The following TTLL2 variants were observed in gnomAD, a reference collection of about 807,000 sequenced individuals.
The protein encoded by TTLL2 is probable tubulin polyglutamylase TTLL2.
A neutral mutation model predicts 7.5 loss-of-function variants in TTLL2; 10 were observed. The ratio of observed to expected loss-of-function variants is 1.33; its 90% CI spans 0.82 to 2.25. TTLL2 has a LOEUF of 2.25. Ranked by LOEUF, TTLL2 falls within the 30% of genes most tolerant of loss-of-function variation. The pLI, the probability that TTLL2 is intolerant of heterozygous loss-of-function variation, is 0.00. For missense variants in TTLL2, 733 were observed against 735.7 expected (o/e 1.00, Z 0.04); for synonymous variants, 284 against 280.3 (o/e 1.01, Z -0.13).
At position 167,340,714 on chromosome 6, in the gene TTLL2, G is replaced by A; in HGVS notation, c.814G>A (p.Val272Ile). 3.7e-6 allele frequency: 6 copies of A among 1,614,186 alleles called. No homozygotes were observed. Among genetic ancestry groups the A allele is most frequent in the Admixed American group, 1.7e-5 (1 of 60,022 alleles). The change falls in exon 3 of 3, where the codon GTT becomes ATT. Residue 272 changes from valine (V) to isoleucine (I), a missense_variant. Transcript: ENST00000239587. Reference sequence around the variant, plus strand: ...TGGCTTTAAGCCTTTGACCATTTATGTTTATCAGGAAGGGTTGGTTCGGTT... The same window carrying A: ...TGGCTTTAAGCCTTTGACCATTTATATTTATCAGGAAGGGTTGGTTCGGTT... ...VTGFKPLTIY[V>I]YQEGLVRFAT...
At chr6:167,336,022 A>G (rs1401916165) in intron 1 of TTLL2, among the ~76,000 whole-genome samples, 1 of 151,956 alleles carries the variant, frequency 6.6e-6, no homozygotes, top group African/African-American at 2.4e-5. Context: ...AATAGAGTAG[A>G]GACCACATTT....
At chr6:167,340,042 G>A in intron 2 of TTLL2, 63 bp from the exon 3 acceptor site, 5 of 1,516,448 alleles carry the variant, frequency 3.3e-6, no homozygotes, top group Non-Finnish European at 4.4e-6. Flanking sequence ...GGTTTCCTCA[G>A]AAAAATCTAC....
chr6:167,342,272 G>A lies in TTLL2; in HGVS notation c.*593G>A, dbSNP rs1583115092. On this transcript the variant is annotated 3_prime_UTR_variant, in exon 3 of 3. Coordinates refer to ENST00000239587, the MANE Select transcript of TTLL2 (RefSeq NM_031949.5). ...GCTGTATTTAAATAGTGGCCCCTTG[G>A]CCTTGTCACCATTTGTTTACCATCA... is the stretch of plus-strand genomic sequence containing the variant. 6.6e-6 allele frequency among the ~76,000 whole-genome samples: 1 copy of A among 152,174 alleles called. No individual in the cohort carries two copies. Among genetic ancestry groups the A allele is most frequent in the Non-Finnish European group, 1.5e-5 (1 of 68,044 alleles).
intron 1 of TTLL2, among the ~76,000 whole-genome samples, chr6:167,335,323 A>G (rs980306825): frequency 1.3e-5 from 2 of 151,328 alleles, no homozygotes; most frequent in African/African-American, 4.9e-5. Context: ...AGGAAACAAC[A>G]GGTGCTGGAG....
intron 1 of TTLL2, among the ~76,000 whole-genome samples, chr6:167,331,292 T>G (rs73788603): frequency 0.019 from 2,839 of 152,184 alleles, 101 homozygotes; most frequent in African/African-American, 0.065. Context: ...TTTGAAACTA[T>G]TATATATTAC....
chr6:167,332,158 G>C (rs73266952), intron 1 of TTLL2, among the ~76,000 whole-genome samples: 3,231 of 152,270 alleles, frequency 0.021, 129 homozygotes, highest in African/African-American at 0.074. Flanking sequence ...GTCCGGGTGG[G>C]TGAGAATTCA....
In TTLL2 at chr6:167,340,628, T is replaced by C. The variant is rs762129840; in HGVS notation, c.728T>C (p.Ile243Thr). The C allele has an allele frequency of 4.1e-5, 66 of 1,614,174 alleles. No individual in the cohort carries two copies. In the South Asian group the frequency reaches 5.7e-4, roughly 14 times the overall value. The change falls in exon 3 of 3, where the codon ATC becomes ACC. Residue 243 changes from isoleucine (I) to threonine (T), a missense_variant. By Grantham distance (89) the Ile-to-Thr change is moderately conservative. Coordinates refer to ENST00000239587, the MANE Select transcript of TTLL2 (RefSeq NM_031949.5). Reference protein sequence around the residue: ...FDDMYIVQKYISNPLLIGRYK... With the variant: ...FDDMYIVQKYTSNPLLIGRYK... Reference sequence around the variant, plus strand: ...GATATGTACATAGTGCAGAAATATATCTCCAATCCTTTACTTATTGGCAGA... The same window carrying C: ...GATATGTACATAGTGCAGAAATATACCTCCAATCCTTTACTTATTGGCAGA...
intron 1 of TTLL2, among the ~76,000 whole-genome samples, chr6:167,331,367 A>T (rs1778918452): frequency 6.6e-6 from 1 of 152,094 alleles, no homozygotes; most frequent in Admixed American, 6.5e-5. Flanking sequence ...TCCTGTGTGG[A>T]TGTGACTTTG....
At chr6:167,328,204 C>T (rs1016835519) in intron 1 of TTLL2, 10 of 447,500 alleles carry the variant, frequency 2.2e-5, no homozygotes, top group African/African-American at 6.0e-5. Flanking sequence ...TAGGAGCTGT[C>T]GGCTAAGGAG....
chr6:167,330,416 C>T (rs1333153135), intron 1 of TTLL2, among the ~76,000 whole-genome samples: 5 of 151,970 alleles, frequency 3.3e-5, no homozygotes, highest in Non-Finnish European at 5.9e-5. Context: ...AACAAATTAT[C>T]CAGGCGTGGT....
intron 1 of TTLL2, among the ~76,000 whole-genome samples, chr6:167,330,846 G>T (rs1429535063): frequency 6.6e-6 from 1 of 152,160 alleles, no homozygotes; most frequent in South Asian, 2.1e-4. Flanking sequence ...GTTTGGGGTG[G>T]AGGCTCAGCC....
chr6:167,342,579 T>C lies in TTLL2; in HGVS notation c.*900T>C, dbSNP rs1734056085. 6.6e-6 allele frequency among the ~76,000 whole-genome samples: 1 copy of C among 152,188 alleles called. No individual in the cohort carries two copies. Among genetic ancestry groups the C allele is most frequent in the African/African-American group, 2.4e-5 (1 of 41,442 alleles). ...TCCCTTTGGGGTGACAGAAATGTTC[T>C]GGAACTATATAGAGGTGATGGTTGC... On this transcript the variant is annotated 3_prime_UTR_variant, in exon 3 of 3. Transcript: ENST00000239587.
intron 1 of TTLL2, among the ~76,000 whole-genome samples, chr6:167,336,345 T>C (rs1045848657): frequency 3.9e-5 from 6 of 152,168 alleles, no homozygotes; most frequent in Admixed American, 3.3e-4. Context: ...ATATATGTTA[T>C]GATATAATAT....
intron 2 of TTLL2, 99 bp downstream of exon 2, chr6:167,338,902 CCTT>C (rs144348532): frequency 0.028 from 34,440 of 1,238,420 alleles, 634 homozygotes; most frequent in Non-Finnish European, 0.033. Flanking sequence ...CTCCCCTCTT[CCTT>C]CTTCTTTTTC....
intron 1 of TTLL2, among the ~76,000 whole-genome samples, chr6:167,336,924 G>A (rs73266971): frequency 1.3e-5 from 2 of 152,240 alleles, no homozygotes; most frequent in African/African-American, 4.8e-5. Context: ...GCCTTGGGGG[G>A]CTCCTCCCCA....
At chr6:167,325,570 A>G (rs768432409) in intron 1 of TTLL2, among the ~76,000 whole-genome samples, 1 of 152,208 alleles carries the variant, frequency 6.6e-6, no homozygotes, top group African/African-American at 2.4e-5. Flanking sequence ...TAGTGGGTAC[A>G]GGAAATTCAA....
rs1198071866 is a variant in TTLL2, at chr6:167,342,111, T to C, written c.*432T>C. Among the ~76,000 whole-genome samples the C allele has an allele frequency of 6.6e-6, 1 of 152,224 alleles. No homozygotes were observed. Among genetic ancestry groups the C allele is most frequent in the Non-Finnish European group, 1.5e-5 (1 of 68,044 alleles). On this transcript the variant is annotated 3_prime_UTR_variant, in exon 3 of 3. Transcript: ENST00000239587. ...AAATCAACCAGTTATTTGTTAAAAT[T>C]ATTTTGTTAACTTAAGATCAGACAA...
At position 167,340,790 on chromosome 6, in the gene TTLL2, T is replaced by C. The variant is rs1265499997; in HGVS notation, c.890T>C (p.Leu297Ser). 3.7e-6 allele frequency: 6 copies of C among 1,614,200 alleles called. No homozygotes were observed. The highest frequency in any genetic ancestry group is 1.7e-6 in the Non-Finnish European group (2 of 1,180,034). Residue 297 changes from leucine to serine, a missense_variant, in exon 3 of 3, where the codon TTG (leucine) becomes TCG (serine). Leu to Ser is a moderately radical substitution (Grantham distance 145). Transcript: ENST00000239587. ...AATTTGCAAAACAATTATGCCCATT[T>C]GACCAACAGCAGCATCAATAAATCC... ...LSNLQNNYAH[L>S]TNSSINKSGA...
intron 1 of TTLL2, among the ~76,000 whole-genome samples, chr6:167,338,074 G>A (rs549206056): frequency 0.021 from 3,214 of 149,942 alleles, 123 homozygotes; most frequent in African/African-American, 0.075. Context: ...AAACATACAA[G>A]CAGCACAAAC....
Sources: allele counts gnomAD v4.1 joint callset (sites outside exome capture counted in the v4.1 genomes callset), GRCh38; gene constraint gnomAD v4.1.1; transcripts MANE v1.5; gene names NCBI Gene and HGNC (gene_info 2026-07-23, HGNC 2026-07-21).